ANGPTL2: variants seen among roughly 807,000 people sequenced by gnomAD.
ANGPTL2 encodes the protein angiopoietin like 2, also known as angiopoietin-related protein 2.
A neutral mutation model predicts 52.8 loss-of-function variants in ANGPTL2; 25 were observed. That is an observed-to-expected ratio of 0.47 (90% CI 0.35 to 0.66). The LOEUF is 0.66. Among genes scored for constraint, ANGPTL2 ranks in the 30% least tolerant of loss-of-function variants. The pLI, the probability that ANGPTL2 is intolerant of heterozygous loss-of-function variation, is 0.01. For missense variants in ANGPTL2, 546 were observed against 656.9 expected, an observed-to-expected ratio of 0.83 and a Z score of 1.84; for synonymous variants, 276 against 277.4, an observed-to-expected ratio of 1.00 and a Z score of 0.05.
At chr9:127,090,373 G>C (rs968432154) in intron 4 of ANGPTL2, among the ~76,000 whole-genome samples, 3 of 152,252 alleles carry the variant, frequency 2.0e-5, no homozygotes, top group Non-Finnish European at 4.4e-5. Flanking sequence ...CTTCTGCCCT[G>C]CTCTTCTAGA....
In ANGPTL2 at chr9:127,108,492, C is replaced by T. The variant is rs775144653; in HGVS notation, c.240G>A (p.Leu80=). The T allele has an allele frequency of 5.0e-6, 8 of 1,612,878 alleles. No individual in the cohort carries two copies. In the Admixed American group the frequency reaches 1.3e-4, roughly 27 times the overall value. ...GCTCCTGCTTATGCACTCGGTTCTC[C>T]AGAAGCACCTCAGGCTCCTTGGAGT... The part of the protein sequence containing the change: ...CVNSKEPEVL[L]ENRVHKQELE... Residue 80 remains leucine (L), a synonymous_variant, in exon 2 of 5, where the codon CTG becomes CTA. Coordinates refer to ENST00000373425, the MANE Select transcript of ANGPTL2 (RefSeq NM_012098.3).
chr9:127,105,889 C>CA (rs1343074497), intron 2 of ANGPTL2, among the ~76,000 whole-genome samples: 3 of 152,208 alleles, frequency 2.0e-5, no homozygotes, highest in Non-Finnish European at 4.4e-5. Context: ...AGGGGCTCAG[C>CA]AAATGTTGGC....
At chr9:127,100,653 A>C (rs2053630015) in intron 2 of ANGPTL2, among the ~76,000 whole-genome samples, 1 of 152,188 alleles carries the variant, frequency 6.6e-6, no homozygotes, top group African/African-American at 2.4e-5. Context: ...AGGGTTCCAC[A>C]GGCACACTAA....
intron 2 of ANGPTL2, among the ~76,000 whole-genome samples, chr9:127,098,778 A>G (rs1163341179): frequency 6.6e-6 from 1 of 152,148 alleles, no homozygotes; most frequent in African/African-American, 2.4e-5. Flanking sequence ...TACTCCCAAC[A>G]CAGGGCCTTT....
At chr9:127,105,766 G>C (rs2054159658) in intron 2 of ANGPTL2, among the ~76,000 whole-genome samples, 1 of 152,164 alleles carries the variant, frequency 6.6e-6, no homozygotes, top group African/African-American at 2.4e-5. Flanking sequence ...GGCATTGGAC[G>C]GATCCCAGAT....
intron 1 of ANGPTL2, among the ~76,000 whole-genome samples, chr9:127,115,180 A>AATT (rs112610239): frequency 0.017 from 2,570 of 151,274 alleles, 53 homozygotes; most frequent in African/African-American, 0.051. Flanking sequence ...TGTCTTACGT[A>AATT]ATTATTATTA....
At chr9:127,118,791 C>A (rs1318756780) in intron 1 of ANGPTL2, among the ~76,000 whole-genome samples, 1 of 152,208 alleles carries the variant, frequency 6.6e-6, no homozygotes, top group African/African-American at 2.4e-5. Context: ...TGAGACCATT[C>A]CAGATTAAAT....
chr9:127,104,027 G>A (rs925811751), intron 2 of ANGPTL2, among the ~76,000 whole-genome samples: 22 of 152,252 alleles, frequency 1.4e-4, no homozygotes, highest in Non-Finnish European at 2.9e-4. Flanking sequence ...TCCCAGGGTC[G>A]ATCTCTGCTC....
Position 127,089,095 on chromosome 9 carries a change from G to A in ANGPTL2, c.1326C>T (p.Ala442=). 1 of 1,614,240 alleles carries A rather than the reference G, an allele frequency of 6.2e-7. No homozygotes were observed. Among genetic ancestry groups the A allele is most frequent in the Non-Finnish European group, 8.5e-7 (1 of 1,180,052 alleles). Residue 442 remains alanine (A), a synonymous_variant, in exon 5 of 5, where the codon GCC becomes GCT. Transcript: ENST00000373425. ...CCCCGTTGAGGTTGGAGTGGGCACAGGCGTTATACCACCAGCCTCCCTTCT... is the reference window on the plus strand; with the variant it reads ...CCCCGTTGAGGTTGGAGTGGGCACAAGCGTTATACCACCAGCCTCCCTTCT... ...HYQKGGWWYN[A]CAHSNLNGVW...
At position 127,091,182 on chromosome 9, in the gene ANGPTL2, G is replaced by A. The variant is rs2052422007; in HGVS notation, c.1282+488C>T. On this transcript the variant is annotated intron_variant, in intron 4 of 4. Coordinates refer to ENST00000373425, the MANE Select transcript of ANGPTL2 (RefSeq NM_012098.3). This position sits in a 1 kb window ranked among gnomAD's most constrained non-coding sequence, Gnocchi z 4.3. ...TCTACCCTTCTCCCTACTCTGCAAT[G>A]TAGTTCTTGTCCTTACTTCCAGATG... 6.6e-6 allele frequency among the ~76,000 whole-genome samples: 1 copy of A among 152,254 alleles called. No homozygotes were observed. The highest frequency in any genetic ancestry group is 2.4e-5 in the African/African-American group (1 of 41,468).
chr9:127,095,737 C>T (rs1360377455), intron 2 of ANGPTL2, among the ~76,000 whole-genome samples: 1 of 152,198 alleles, frequency 6.6e-6, no homozygotes, highest in Non-Finnish European at 1.5e-5. Context: ...TCTCAGATTC[C>T]TTCCTGGCTG....
chr9:127,098,420 A>G (rs1449750432), intron 2 of ANGPTL2, among the ~76,000 whole-genome samples: 1 of 152,014 alleles, frequency 6.6e-6, no homozygotes, highest in East Asian at 1.9e-4. Context: ...TAAAGACCAC[A>G]TTTACATTCT....
chr9:127,092,023 G>C, intron 3 of ANGPTL2, 83 bp from the exon 4 acceptor site: 1 of 1,524,310 alleles, frequency 6.6e-7, no homozygotes, highest in Non-Finnish European at 8.9e-7. Context: ...CTCAGCCCTG[G>C]ATAGAGGGGC....
At chr9:127,101,205 C>G (rs2053689018) in intron 2 of ANGPTL2, among the ~76,000 whole-genome samples, 1 of 152,224 alleles carries the variant, frequency 6.6e-6, no homozygotes. Flanking sequence ...TATCTAGAGC[C>G]TTTCACCTGC....
chr9:127,092,149 C>T (rs2052565203), intron 3 of ANGPTL2, among the ~76,000 whole-genome samples: 1 of 152,246 alleles, frequency 6.6e-6, no homozygotes, highest in Admixed American at 6.5e-5. Context: ...CTGTGCCAGG[C>T]ATCATGTGAA....
At chr9:127,107,788 G>A in intron 2 of ANGPTL2, 127 bp downstream of exon 2, 2 of 955,112 alleles carry the variant, frequency 2.1e-6, no homozygotes, top group Non-Finnish European at 3.0e-6. Flanking sequence ...GGGATTGCTG[G>A]GGGATTGTGC....
chr9:127,115,668 T>C (rs541250834), intron 1 of ANGPTL2, among the ~76,000 whole-genome samples: 38 of 152,338 alleles, frequency 2.5e-4, no homozygotes, highest in African/African-American at 7.9e-4. Context: ...AAGGTGCTTG[T>C]TTGTTTAATG....
chr9:127,098,294 G>A (rs986352386), intron 2 of ANGPTL2, among the ~76,000 whole-genome samples: 5 of 152,230 alleles, frequency 3.3e-5, no homozygotes, highest in African/African-American at 1.2e-4. Flanking sequence ...AGAGTACCTA[G>A]CGGTGTTTAA....
chr9:127,100,140 G>A (rs2053571768), intron 2 of ANGPTL2, among the ~76,000 whole-genome samples: 1 of 152,074 alleles, frequency 6.6e-6, no homozygotes, highest in South Asian at 2.1e-4. Context: ...AAGAATTCCT[G>A]AATATGCTTG....
Sources: allele counts gnomAD v4.1 joint callset (sites outside exome capture counted in the v4.1 genomes callset), GRCh38; gene constraint gnomAD v4.1.1; non-coding constraint Gnocchi (gnomAD v3.1); transcripts MANE v1.5; gene names NCBI Gene and HGNC (gene_info 2026-07-23, HGNC 2026-07-21).